COMMD10: variants seen among roughly 807,000 people sequenced by gnomAD.
The protein encoded by COMMD10 is COMM domain containing 10, also known as COMM domain-containing protein 10.
Under a neutral mutation model 28.9 loss-of-function variants are expected in COMMD10, and 33 were observed. That is an observed-to-expected ratio of 1.14 (90% confidence interval 0.87 to 1.53). COMMD10 has a LOEUF of 1.53. COMMD10 is among the 40% of genes most tolerant of loss of function. The pLI is 0.00. For missense variants in COMMD10, 310 were observed against 233.4 expected, an observed-to-expected ratio of 1.33 and a Z score of -2.14; for synonymous variants, 110 against 81.7, an observed-to-expected ratio of 1.35 and a Z score of -1.87.
chr5:116,200,879 C>T (rs891001170), intron 5 of COMMD10, among the ~76,000 whole-genome samples: 1 of 152,110 alleles, frequency 6.6e-6, no homozygotes, highest in Non-Finnish European at 1.5e-5. Flanking sequence ...ATTCCAACAT[C>T]CCTGCCATAG....
chr5:116,258,715 C>T (rs930978281), intron 5 of COMMD10, among the ~76,000 whole-genome samples: 11 of 151,450 alleles, frequency 7.3e-5, no homozygotes, highest in African/African-American at 1.2e-4. Context: ...TTCATCCCTT[C>T]GTCCTCTTTC....
intron 5 of COMMD10, among the ~76,000 whole-genome samples, chr5:116,186,187 A>G (rs914514833): frequency 4.2e-4 from 64 of 152,176 alleles, no homozygotes; most frequent in African/African-American, 1.5e-3. Flanking sequence ...TTCAGCTGCA[A>G]CTCTGTTTCT....
intron 4 of COMMD10, among the ~76,000 whole-genome samples, chr5:116,116,282 T>C (rs1580457362): frequency 6.6e-6 from 1 of 152,326 alleles, no homozygotes; most frequent in Non-Finnish European, 1.5e-5. Flanking sequence ...AAATTATAAA[T>C]TGTTACTTTA....
At chr5:116,279,446 T>C (rs970411848) in intron 5 of COMMD10, among the ~76,000 whole-genome samples, 2 of 151,912 alleles carry the variant, frequency 1.3e-5, no homozygotes, top group Non-Finnish European at 2.9e-5. Flanking sequence ...AACTTTGATG[T>C]AAGCTCAGGA....
At chr5:116,160,945 G>C (rs10056936) in intron 5 of COMMD10, among the ~76,000 whole-genome samples, 16,333 of 151,902 alleles carry the variant, frequency 0.11, 981 homozygotes, top group African/African-American at 0.15. Context: ...TCCCCAGAAG[G>C]CTTTTTTCTT....
At chr5:116,289,311 C>G (rs1264195988) in intron 5 of COMMD10, among the ~76,000 whole-genome samples, 1 of 151,810 alleles carries the variant, frequency 6.6e-6, no homozygotes, top group African/African-American at 2.4e-5. Context: ...CCATATTTCC[C>G]TATTGCTTTG....
intron 5 of COMMD10, among the ~76,000 whole-genome samples, chr5:116,146,837 T>C (rs1246246428): frequency 1.3e-5 from 2 of 151,818 alleles, no homozygotes; most frequent in African/African-American, 2.4e-5. Context: ...TTTGATGGTA[T>C]TGGGAGAAGG....
chr5:116,219,464 G>A (rs1378461918), intron 5 of COMMD10, among the ~76,000 whole-genome samples: 1 of 152,088 alleles, frequency 6.6e-6, no homozygotes, highest in Non-Finnish European at 1.5e-5. Flanking sequence ...AATAATAAAT[G>A]TCCTTATAAG....
chr5:116,181,608 A>G (rs1747968558), intron 5 of COMMD10, among the ~76,000 whole-genome samples: 1 of 151,938 alleles, frequency 6.6e-6, no homozygotes, highest in South Asian at 2.1e-4. Flanking sequence ...AATTCTAGAA[A>G]TATTTTTAGA....
chr5:116,205,517 A>G (rs1206288199), intron 5 of COMMD10, among the ~76,000 whole-genome samples: 1 of 152,110 alleles, frequency 6.6e-6, no homozygotes, highest in African/African-American at 2.4e-5. Flanking sequence ...ATTGAAAACT[A>G]CCTCATATAC....
At chr5:116,285,139 A>G (rs1466086983) in intron 5 of COMMD10, among the ~76,000 whole-genome samples, 1 of 151,898 alleles carries the variant, frequency 6.6e-6, no homozygotes, top group African/African-American at 2.4e-5. Context: ...CTTTTGATCA[A>G]ACCCACTCCT....
intron 5 of COMMD10, among the ~76,000 whole-genome samples, chr5:116,236,993 G>A (rs984628978): frequency 3.3e-5 from 5 of 152,022 alleles, no homozygotes; most frequent in African/African-American, 4.8e-5. Context: ...GAGTAAAGGG[G>A]TTAATGTATT....
At chr5:116,127,086 T>G (rs1355577810) in intron 4 of COMMD10, among the ~76,000 whole-genome samples, 2 of 151,224 alleles carry the variant, frequency 1.3e-5, no homozygotes, top group Admixed American at 1.3e-4. Flanking sequence ...CAAGAGAAAA[T>G]CAAACAACCC....
At position 116,085,105 on chromosome 5, in the gene COMMD10, G is replaced by C; in HGVS notation, c.41+12G>C. 1 of 1,607,026 alleles carries C rather than the reference G, an allele frequency of 6.2e-7. No individual in the cohort carries two copies. Among genetic ancestry groups the C allele is most frequent in the Non-Finnish European group, 8.5e-7 (1 of 1,177,564 alleles). On this transcript the variant is annotated intron_variant, in intron 1 of 6. Coordinates refer to ENST00000274458, the MANE Select transcript of COMMD10 (RefSeq NM_016144.4). ...CGGGAGAGCCCCAGGTAGCTGATCCGTTAAGCTCTTGCGGTAGCCGCGCCC... is the reference window on the plus strand; with the variant it reads ...CGGGAGAGCCCCAGGTAGCTGATCCCTTAAGCTCTTGCGGTAGCCGCGCCC...
intron 5 of COMMD10, among the ~76,000 whole-genome samples, chr5:116,167,063 A>G (rs1409202048): frequency 1.3e-5 from 2 of 152,064 alleles, no homozygotes; most frequent in African/African-American, 4.8e-5. Flanking sequence ...GAGCTAAAGG[A>G]GCATGTTCTA....
At chr5:116,099,809 C>T (rs62384696) in intron 4 of COMMD10, among the ~76,000 whole-genome samples, 2 of 151,930 alleles carry the variant, frequency 1.3e-5, no homozygotes, top group African/African-American at 4.8e-5. Flanking sequence ...AGTTTTCCTG[C>T]TATTGAGTTT....
chr5:116,271,489 T>C (rs1203032764), intron 5 of COMMD10, among the ~76,000 whole-genome samples: 1 of 151,626 alleles, frequency 6.6e-6, no homozygotes, highest in Admixed American at 6.6e-5. Flanking sequence ...GTTTCTATTA[T>C]GTAAGTATAA....
chr5:116,221,736 T>G (rs1051784477), intron 5 of COMMD10, among the ~76,000 whole-genome samples: 2 of 152,212 alleles, frequency 1.3e-5, no homozygotes, highest in Non-Finnish European at 2.9e-5. Flanking sequence ...TAGCTTCTGT[T>G]TTTCAACATT....
intron 4 of COMMD10, among the ~76,000 whole-genome samples, chr5:116,096,939 GT>G (rs911785568): frequency 4.6e-5 from 7 of 151,496 alleles, no homozygotes; most frequent in Admixed American, 1.3e-4. Context: ...ATAGTAGCCT[GT>G]TTTCTGTTTA....
Sources: allele counts gnomAD v4.1 joint callset (sites outside exome capture counted in the v4.1 genomes callset), GRCh38; gene constraint gnomAD v4.1.1; transcripts MANE v1.5; gene names NCBI Gene and HGNC (gene_info 2026-07-23, HGNC 2026-07-21).